The following ASTN2 variants were observed in gnomAD, a reference collection of about 807,000 sequenced individuals.
ASTN2 encodes the protein astrotactin 2.
Under a neutral mutation model 139.8 loss-of-function variants are expected in ASTN2, and 54 were observed. That is an observed-to-expected ratio of 0.39 (90% CI 0.31 to 0.48). The LOEUF is 0.48. Among genes scored for constraint, ASTN2 ranks in the 20% least tolerant of loss-of-function variants. The probability of loss-of-function intolerance (pLI) is 0.95; values close to 1 mark genes in which losing one functional copy is unlikely to be tolerated. For missense variants in ASTN2, 1,565 were observed against 1,725.1 expected (o/e 0.91, Z 1.64); for synonymous variants, 756 against 719.5 (o/e 1.05, Z -0.81).
chr9:116,803,367 T>C (rs1320305405), intron 13 of ASTN2, among the ~76,000 whole-genome samples: 1 of 148,578 alleles, frequency 6.7e-6, no homozygotes, highest in East Asian at 2.0e-4. Flanking sequence ...CCAGACTGGA[T>C]TGCAGTGGCA....
intron 1 of ASTN2, among the ~76,000 whole-genome samples, chr9:117,320,975 G>C (rs1587944728): frequency 6.6e-6 from 1 of 152,306 alleles, no homozygotes; most frequent in East Asian, 1.9e-4. Context: ...TGTGCTGCTT[G>C]CTTGTGCACA....
At position 117,360,406 on chromosome 9, in the gene ASTN2, T is replaced by C. The variant is rs537503814; in HGVS notation, c.442+54091A>G. ...GCTGGTAGTCAGAGAGGGCCTCTCA[T>C]TTTAAATGTTATATGGTGTGAGAAT... On this transcript the variant is annotated intron_variant, in intron 1 of 22. Transcript: ENST00000313400. 3.3e-5 allele frequency among the ~76,000 whole-genome samples: 5 copies of C among 152,242 alleles called. No homozygotes were observed. In the East Asian group the frequency reaches 9.7e-4, roughly 29 times the overall value.
At chr9:116,672,710 T>C (rs1859272057) in intron 16 of ASTN2, among the ~76,000 whole-genome samples, 1 of 152,168 alleles carries the variant, frequency 6.6e-6, no homozygotes, top group Non-Finnish European at 1.5e-5. Context: ...GAAGGCTAAG[T>C]TAGTTGTCCA....
intron 1 of ASTN2, among the ~76,000 whole-genome samples, chr9:117,327,781 T>C (rs1283423407): frequency 6.6e-6 from 1 of 152,180 alleles, no homozygotes; most frequent in Non-Finnish European, 1.5e-5. Flanking sequence ...ACAAGCATCA[T>C]GTTACAAGCA....
intron 1 of ASTN2, among the ~76,000 whole-genome samples, chr9:117,399,207 T>C (rs1830757364): frequency 6.6e-6 from 1 of 152,176 alleles, no homozygotes; most frequent in Non-Finnish European, 1.5e-5. Context: ...AAGGCCGACA[T>C]GCAATCAACA....
chr9:117,194,983 C>T (rs543393096), intron 3 of ASTN2, among the ~76,000 whole-genome samples: 8 of 151,810 alleles, frequency 5.3e-5, no homozygotes, highest in Non-Finnish European at 1.2e-4. Flanking sequence ...TTCATTCACT[C>T]ATTTATTCCT....
At chr9:116,643,629 T>A (rs1857447923) in intron 17 of ASTN2, among the ~76,000 whole-genome samples, 1 of 152,172 alleles carries the variant, frequency 6.6e-6, no homozygotes, top group Non-Finnish European at 1.5e-5. Flanking sequence ...ACTTCCCTCA[T>A]AAGTTGTTGG....
intron 5 of ASTN2, 54 bp downstream of exon 5, chr9:117,095,990 C>T: frequency 6.5e-7 from 1 of 1,533,380 alleles, no homozygotes; most frequent in Non-Finnish European, 9.0e-7. Context: ...AATCTGATTT[C>T]CAGGATTTCC....
chr9:116,994,399 T>C (rs1258678499), intron 7 of ASTN2, among the ~76,000 whole-genome samples: 1 of 152,214 alleles, frequency 6.6e-6, no homozygotes, highest in East Asian at 1.9e-4. Flanking sequence ...CTGTTGAATA[T>C]CAGTACATAA....
At chr9:116,609,379 G>GTATATATATATATATA (rs56938236) in intron 19 of ASTN2, among the ~76,000 whole-genome samples, 4,909 of 115,630 alleles carry the variant, frequency 0.042, 238 homozygotes, top group Non-Finnish European at 0.054. Context: ...ATATATGGGT[G>GTATATATATATATATA]TATATATATA....
chr9:116,800,135 G>A (rs1830806034), intron 13 of ASTN2, among the ~76,000 whole-genome samples: 1 of 151,932 alleles, frequency 6.6e-6, no homozygotes, highest in South Asian at 2.1e-4. Context: ...ATCTTTTCAT[G>A]TCTCCTTCAG....
chr9:116,569,691 G>A (rs189573289), intron 19 of ASTN2, among the ~76,000 whole-genome samples: 1 of 152,322 alleles, frequency 6.6e-6, no homozygotes, highest in South Asian at 2.1e-4. Context: ...CAAGATGCCA[G>A]AGATCCCTGA....
At chr9:117,395,140 C>T (rs971066435) in intron 1 of ASTN2, among the ~76,000 whole-genome samples, 1 of 152,210 alleles carries the variant, frequency 6.6e-6, no homozygotes, top group Non-Finnish European at 1.5e-5. Context: ...ATTTCCTGAG[C>T]CAATGTCTTT....
chr9:116,717,388 T>C (rs1049046048), intron 16 of ASTN2, among the ~76,000 whole-genome samples: 53 of 152,288 alleles, frequency 3.5e-4, no homozygotes, highest in African/African-American at 1.2e-3. Flanking sequence ...TCTTTTTGCA[T>C]GGTTCTGAGG....
chr9:116,794,643 A>G (rs1830646024), intron 13 of ASTN2, among the ~76,000 whole-genome samples: 1 of 152,136 alleles, frequency 6.6e-6, no homozygotes, highest in African/African-American at 2.4e-5. Context: ...CTGGGCTTCA[A>G]TTTTCTCATG....
At chr9:117,127,036 T>C (rs993114497) in intron 4 of ASTN2, among the ~76,000 whole-genome samples, 2 of 152,186 alleles carry the variant, frequency 1.3e-5, no homozygotes, top group African/African-American at 4.8e-5. Flanking sequence ...TGGAAAGGTA[T>C]CATCCTACGG....
chr9:117,273,242 T>C (rs1007302915), intron 2 of ASTN2, among the ~76,000 whole-genome samples: 1 of 152,154 alleles, frequency 6.6e-6, no homozygotes, highest in Non-Finnish European at 1.5e-5. Context: ...GAGAATAGCA[T>C]GAGAAAGATC....
At chr9:116,462,305 G>C (rs1174375888) in intron 20 of ASTN2, among the ~76,000 whole-genome samples, 1 of 152,150 alleles carries the variant, frequency 6.6e-6, no homozygotes, top group East Asian at 1.9e-4. Context: ...GAAGAAATGG[G>C]AGCACAGTGA....
At chr9:117,348,532 C>T (rs993443432) in intron 1 of ASTN2, among the ~76,000 whole-genome samples, 2 of 152,102 alleles carry the variant, frequency 1.3e-5, no homozygotes, top group African/African-American at 4.8e-5. Flanking sequence ...AGAAATGGAT[C>T]TATTTACTGT....
Sources: gnomAD v4.1 joint callset for allele counts (sites outside exome capture counted in the v4.1 genomes callset) on GRCh38, gnomAD v4.1.1 for gene constraint, MANE v1.5 for transcripts, NCBI Gene and HGNC (gene_info 2026-07-23, HGNC 2026-07-21) for gene names.